The following RAB31 variants were observed in gnomAD, a reference collection of about 807,000 sequenced individuals.
RAB31 encodes the protein RAB31, member RAS oncogene family.
Under a neutral mutation model 25.6 loss-of-function variants are expected in RAB31, and 21 were observed. That is an observed-to-expected ratio of 0.82 (90% CI 0.58 to 1.18). RAB31 has a LOEUF of 1.18. Among genes scored for constraint, RAB31 ranks in the 50% most tolerant of loss-of-function variants. RAB31 has a pLI of 0.00. For synonymous variants in RAB31, 87 were observed against 84.0 expected (o/e 1.04, Z -0.20); for missense variants, 196 against 250.1 (o/e 0.78, Z 1.46).
At chr18:9,816,557 A>C (rs1458706587) in intron 5 of RAB31, among the ~76,000 whole-genome samples, 1 of 152,230 alleles carries the variant, frequency 6.6e-6, no homozygotes, top group Admixed American at 6.5e-5. Flanking sequence ...AGTCAAGTAC[A>C]TAATCTCACT....
chr18:9,845,216 A>G (rs375800190), intron 5 of RAB31, among the ~76,000 whole-genome samples: 183 of 152,328 alleles, frequency 1.2e-3, no homozygotes, highest in African/African-American at 4.2e-3. Flanking sequence ...ACATACTAAC[A>G]GAGGTTTGGT....
At chr18:9,745,150 A>G (rs1017073135) in intron 1 of RAB31, among the ~76,000 whole-genome samples, 1 of 152,226 alleles carries the variant, frequency 6.6e-6, no homozygotes, top group African/African-American at 2.4e-5. Flanking sequence ...GAAATGAAAA[A>G]GATTATAAGA....
chr18:9,785,660 G>C (rs1272981065), intron 2 of RAB31, among the ~76,000 whole-genome samples: 1 of 152,192 alleles, frequency 6.6e-6, no homozygotes, highest in Non-Finnish European at 1.5e-5. Flanking sequence ...CCATCTTCTA[G>C]AGGAAGGATG....
At chr18:9,783,202 C>T (rs1411448387) in intron 2 of RAB31, among the ~76,000 whole-genome samples, 1 of 152,116 alleles carries the variant, frequency 6.6e-6, no homozygotes, top group African/African-American at 2.4e-5. Flanking sequence ...CTACAAACAC[C>T]TTCTATTCAA....
chr18:9,806,134 G>A (rs897746197), intron 3 of RAB31, among the ~76,000 whole-genome samples: 14 of 151,110 alleles, frequency 9.3e-5, no homozygotes, highest in African/African-American at 2.9e-4. Flanking sequence ...CCGAGATGGC[G>A]CCAGTGCACT....
intron 1 of RAB31, among the ~76,000 whole-genome samples, chr18:9,710,029 A>G (rs889918363): frequency 2.0e-5 from 3 of 151,694 alleles, no homozygotes; most frequent in Non-Finnish European, 2.9e-5. Flanking sequence ...TTTTTCTGCA[A>G]CTCTTTTCTC....
chr18:9,709,998 A>G (rs922453490), intron 1 of RAB31, among the ~76,000 whole-genome samples: 1 of 152,182 alleles, frequency 6.6e-6, no homozygotes, highest in South Asian at 2.1e-4. Context: ...GGAAAGGTGA[A>G]ATAGGACATA....
intron 1 of RAB31, among the ~76,000 whole-genome samples, chr18:9,727,688 A>T (rs2068102204): frequency 6.6e-6 from 1 of 152,228 alleles, no homozygotes; most frequent in Non-Finnish European, 1.5e-5. Flanking sequence ...AGTTCTCTCA[A>T]ATATTAAAAA....
intron 1 of RAB31, among the ~76,000 whole-genome samples, chr18:9,765,108 A>G (rs2068309035): frequency 1.3e-5 from 2 of 151,884 alleles, no homozygotes; most frequent in South Asian, 4.2e-4. Flanking sequence ...TCTCGCCACC[A>G]CGCCTGTCTG....
intron 1 of RAB31, among the ~76,000 whole-genome samples, chr18:9,748,595 T>C (rs979761716): frequency 8.2e-5 from 8 of 97,218 alleles, no homozygotes; most frequent in Non-Finnish European, 1.8e-4. Flanking sequence ...TCTGTTGATA[T>C]TTAAAAATAT....
At chr18:9,719,330 A>ATATATATATATATATAT (rs1568161334) in intron 1 of RAB31, among the ~76,000 whole-genome samples, 2 of 33,796 alleles carry the variant, frequency 5.9e-5, no homozygotes, top group African/African-American at 1.1e-4. Flanking sequence ...TATATATATA[A>ATATATATATATATATAT]ATAAATAAAT....
chr18:9,857,688 A>ATGG (rs2068825089), intron 6 of RAB31, among the ~76,000 whole-genome samples: 1 of 77,984 alleles, frequency 1.3e-5, no homozygotes, highest in Non-Finnish European at 2.5e-5. Context: ...TAGATAGATG[A>ATGG]TAGATAGATA....
At chr18:9,709,635 A>ACGCTAACT (rs1210034126) in intron 1 of RAB31, among the ~76,000 whole-genome samples, 2 of 152,074 alleles carry the variant, frequency 1.3e-5, no homozygotes, top group Non-Finnish European at 2.9e-5. Context: ...ACCATCCCTT[A>ACGCTAACT]CGCTAACTCG....
chr18:9,765,674 G>C (rs995041760), intron 1 of RAB31, among the ~76,000 whole-genome samples: 5 of 152,132 alleles, frequency 3.3e-5, no homozygotes, highest in African/African-American at 1.2e-4. Flanking sequence ...TCTGTAATCT[G>C]ATAAGCCCTG....
At chr18:9,844,882 G>A (rs904383262) in intron 5 of RAB31, 2 of 147,070 alleles carry the variant, frequency 1.4e-5, no homozygotes, top group African/African-American at 5.1e-5. Context: ...TGTTTTGTTT[G>A]AGACGGAGTC....
chr18:9,732,347 G>GA (rs2068127666), intron 1 of RAB31, among the ~76,000 whole-genome samples: 1 of 152,242 alleles, frequency 6.6e-6, no homozygotes, highest in Non-Finnish European at 1.5e-5. Flanking sequence ...CCTCCCCAGA[G>GA]GCCCAAGTCC....
chr18:9,746,670 A>C (rs982951822), intron 1 of RAB31, among the ~76,000 whole-genome samples: 23 of 152,350 alleles, frequency 1.5e-4, no homozygotes, highest in Admixed American at 5.9e-4. Flanking sequence ...ATAGGGAAAA[A>C]ATAGTCTGTT....
At chr18:9,796,686 AATG>A (rs2143039240) in intron 3 of RAB31, among the ~76,000 whole-genome samples, 1 of 152,220 alleles carries the variant, frequency 6.6e-6, no homozygotes, top group South Asian at 2.1e-4. Context: ...TTAATAATTG[AATG>A]ATTATAGCTT....
intron 1 of RAB31, among the ~76,000 whole-genome samples, chr18:9,720,625 G>C (rs2145458312): frequency 6.6e-6 from 1 of 151,344 alleles, no homozygotes; most frequent in South Asian, 2.1e-4. Context: ...TGTCAGAGTG[G>C]TTACCTGCCT....
Sources: allele counts gnomAD v4.1 joint callset (sites outside exome capture counted in the v4.1 genomes callset), GRCh38; gene constraint gnomAD v4.1.1; transcripts MANE v1.5; gene names NCBI Gene and HGNC (gene_info 2026-07-23, HGNC 2026-07-21).